The following SORBS2 variants were observed in gnomAD, a reference collection of about 807,000 sequenced individuals.
The protein encoded by SORBS2 is sorbin and SH3 domain containing 2, also known as sorbin and SH3 domain-containing protein 2.
A neutral mutation model predicts 97.7 loss-of-function variants in SORBS2; 46 were observed. That is an observed-to-expected ratio of 0.47 (90% CI 0.37 to 0.60). The LOEUF is 0.60. Among genes scored for constraint, SORBS2 ranks in the 20% least tolerant of loss-of-function variants. The pLI is 0.00. For missense variants in SORBS2, 1,316 were observed against 1,282.3 expected (o/e 1.03, Z -0.40); for synonymous variants, 476 against 473.4 (o/e 1.01, Z -0.07).
chr4:185,819,561 T>C (rs991872652), intron 1 of SORBS2, among the ~76,000 whole-genome samples: 2 of 152,192 alleles, frequency 1.3e-5, no homozygotes, highest in South Asian at 4.1e-4. Flanking sequence ...AAATTGATAA[T>C]AGGGAGTGGA....
At chr4:185,728,388 A>G (rs2098580461) in intron 2 of SORBS2, among the ~76,000 whole-genome samples, 1 of 152,082 alleles carries the variant, frequency 6.6e-6, no homozygotes, top group African/African-American at 2.4e-5. Flanking sequence ...AGTTGGAAGT[A>G]TTTTGCTAGG....
chr4:185,678,670 GT>G (rs532579351), intron 3 of SORBS2, 123 bp from the exon 7 acceptor site: 847 of 1,233,348 alleles, frequency 6.9e-4, no homozygotes, highest in Non-Finnish European at 9.0e-4. Flanking sequence ...CTTACTAGAG[GT>G]TTAATTTAAT....
chr4:185,752,914 C>T (rs1028848125), intron 2 of SORBS2, among the ~76,000 whole-genome samples: 3 of 152,298 alleles, frequency 2.0e-5, no homozygotes, highest in African/African-American at 7.2e-5. Flanking sequence ...ATATGGCATG[C>T]CTATTATTCA....
chr4:185,859,860 C>T (rs1472482744), intron 1 of SORBS2, among the ~76,000 whole-genome samples: 1 of 152,102 alleles, frequency 6.6e-6, no homozygotes, highest in Non-Finnish European at 1.5e-5. Context: ...CAATTAGTTC[C>T]AAAAGCAGGT....
In SORBS2 at chr4:185,729,876, G is replaced by A. The variant is rs192470132; in HGVS notation, c.-198+45351C>T. On this transcript the variant is annotated intron_variant, in intron 2 of 20. Coordinates refer to the SORBS2 transcript ENST00000284776. ...CTCTAACATTAGATATCAATGTTTC[G>A]TATTCTGTCATTGGGGTGTATTGTA... is the stretch of plus-strand genomic sequence containing the variant. 3.5e-3 allele frequency among the ~76,000 whole-genome samples: 539 copies of A among 152,258 alleles called. 4 individuals are homozygous for A. The highest frequency in any genetic ancestry group is 0.012 in the African/African-American group (502 of 41,524).
chr4:185,812,047 A>G (rs533952926), intron 1 of SORBS2: 2 of 152,320 alleles, frequency 1.3e-5, no homozygotes, highest in East Asian at 3.9e-4. Flanking sequence ...CAATCAGCTA[A>G]TTGGAACGGC....
At chr4:185,818,412 A>G (rs1209420834) in intron 1 of SORBS2, among the ~76,000 whole-genome samples, 2 of 151,920 alleles carry the variant, frequency 1.3e-5, no homozygotes, top group African/African-American at 2.4e-5. Context: ...GATGGTCTCC[A>G]TCTCCTGACC....
At chr4:185,765,683 C>T (rs904030723) in intron 2 of SORBS2, among the ~76,000 whole-genome samples, 7 of 152,216 alleles carry the variant, frequency 4.6e-5, no homozygotes, top group African/African-American at 1.4e-4. Context: ...GAAATACATC[C>T]GTTAATTCTT....
chr4:185,667,461 C>G (rs935050761), intron 4 of SORBS2, among the ~76,000 whole-genome samples: 2 of 151,912 alleles, frequency 1.3e-5, no homozygotes, highest in Non-Finnish European at 2.9e-5. Context: ...AATCATAGAT[C>G]CCTTAGAAAT....
chr4:185,637,270 A>G (rs1233178110), intron 4 of SORBS2, among the ~76,000 whole-genome samples: 1 of 152,244 alleles, frequency 6.6e-6, no homozygotes, highest in Non-Finnish European at 1.5e-5. Flanking sequence ...ATTGCATTAC[A>G]GTTGCCTACA....
chr4:185,854,843 C>T (rs1034720410), intron 1 of SORBS2, among the ~76,000 whole-genome samples: 17 of 151,606 alleles, frequency 1.1e-4, no homozygotes, highest in African/African-American at 3.4e-4. Flanking sequence ...TGAGAGAGAA[C>T]GTGCTAGTCC....
intron 1 of SORBS2, among the ~76,000 whole-genome samples, chr4:185,885,985 A>G (rs1266937486): frequency 6.6e-6 from 1 of 152,232 alleles, no homozygotes; most frequent in Non-Finnish European, 1.5e-5. Context: ...AATCCACAGC[A>G]TTAGACATGT....
intron 1 of SORBS2, among the ~76,000 whole-genome samples, chr4:185,861,599 AT>A (rs57354475): frequency 0.013 from 1,955 of 146,172 alleles, 26 homozygotes; most frequent in African/African-American, 0.04. Context: ...TCTGACTTCT[AT>A]TTTTTTTTTT....
At chr4:185,743,588 C>G (rs1369920811) in intron 2 of SORBS2, among the ~76,000 whole-genome samples, 1 of 152,146 alleles carries the variant, frequency 6.6e-6, no homozygotes, top group Non-Finnish European at 1.5e-5. Context: ...ACTCTGTTAG[C>G]TTCAAAATCT....
At chr4:185,611,667 A>G (rs1039420989) in intron 12 of SORBS2, 113 bp downstream of exon 24, 4 of 793,696 alleles carry the variant, frequency 5.0e-6, no homozygotes, top group Admixed American at 5.0e-5. Flanking sequence ...TAATATGTAA[A>G]TCTCTTTCTC....
intron 2 of SORBS2, among the ~76,000 whole-genome samples, chr4:185,694,852 G>A (rs768082342): frequency 5.9e-5 from 9 of 151,706 alleles, no homozygotes; most frequent in African/African-American, 1.4e-4. Context: ...AATTACAGGC[G>A]TGCACCATCA....
chr4:185,771,198 T>A (rs1584531099), intron 2 of SORBS2: 1 of 151,106 alleles, frequency 6.6e-6, no homozygotes, highest in African/African-American at 2.4e-5. Context: ...ACCATTTTGG[T>A]CAGGCTGGTC....
intron 1 of SORBS2, among the ~76,000 whole-genome samples, chr4:185,808,492 TA>T (rs1307029410): frequency 6.6e-6 from 1 of 152,158 alleles, no homozygotes; most frequent in Admixed American, 6.5e-5. Flanking sequence ...CAGGCTTATT[TA>T]AAAAATACTA....
rs149407617 is a variant in SORBS2 at position 185,684,131 on chromosome 4, G to A, written c.-197-5309C>T. On this transcript the variant is annotated intron_variant, in intron 2 of 20. Coordinates refer to the SORBS2 transcript ENST00000284776. This position sits in a 1 kb window ranked among gnomAD's most constrained non-coding sequence, Gnocchi z 4.2. ...CTTCTAACAGCTGCACCCCCTCCCA[G>A]TGCAGACTGTGCCTTAGGTACTGTG... is the stretch of plus-strand genomic sequence containing the variant. 6.6e-6 allele frequency among the ~76,000 whole-genome samples: 1 copy of A among 152,214 alleles called. No individual in the cohort carries two copies. The highest frequency in any genetic ancestry group is 1.9e-4 in the East Asian group (1 of 5,178).
Sources: allele counts gnomAD v4.1 joint callset (sites outside exome capture counted in the v4.1 genomes callset), GRCh38; gene constraint gnomAD v4.1.1; non-coding constraint Gnocchi (gnomAD v3.1); transcripts MANE v1.5; gene names NCBI Gene and HGNC (gene_info 2026-07-23, HGNC 2026-07-21).